The following ASIC2 variants were observed in gnomAD, a reference collection of about 807,000 sequenced individuals.
ASIC2 encodes the protein acid-sensing ion channel 2.
A neutral mutation model predicts 57.3 loss-of-function variants in ASIC2; 25 were observed. The observed-to-expected ratio is 0.44, with a 90% CI of 0.32 to 0.61. ASIC2 has a LOEUF of 0.61. Ranked by LOEUF, ASIC2 falls within the 20% of genes least tolerant of loss-of-function variation. ASIC2 has a pLI of 0.06. For missense variants in ASIC2, 641 were observed against 738.1 expected, an observed-to-expected ratio of 0.87 and a Z score of 1.52; for synonymous variants, 319 against 307.5, an observed-to-expected ratio of 1.04 and a Z score of -0.39.
At chr17:33,418,882 C>T (rs1000023787) in intron 1 of ASIC2, among the ~76,000 whole-genome samples, 2 of 143,012 alleles carry the variant, frequency 1.4e-5, no homozygotes, top group Admixed American at 7.6e-5. Context: ...TGTTCTCACT[C>T]ATAAGTGGGA....
At chr17:33,703,950 A>G (rs1170231954) in intron 1 of ASIC2, among the ~76,000 whole-genome samples, 2 of 152,054 alleles carry the variant, frequency 1.3e-5, no homozygotes, top group Admixed American at 6.6e-5. Flanking sequence ...CATCATTCAG[A>G]CCTAGGTTTT....
chr17:33,743,778 A>C (rs2347957), intron 1 of ASIC2, among the ~76,000 whole-genome samples: 105,064 of 152,104 alleles, frequency 0.69, 36,322 homozygotes, highest in East Asian at 0.73. Flanking sequence ...ACTGCTGGCC[A>C]ACCCTGCAGA....
chr17:33,648,313 A>T (rs1906809655), intron 1 of ASIC2, among the ~76,000 whole-genome samples: 1 of 152,160 alleles, frequency 6.6e-6, no homozygotes, highest in African/African-American at 2.4e-5. Flanking sequence ...CATTACGATG[A>T]TATCTAACAA....
intron 1 of ASIC2, among the ~76,000 whole-genome samples, chr17:34,128,372 T>C (rs1911850696): frequency 6.6e-6 from 1 of 150,802 alleles, no homozygotes; most frequent in African/African-American, 2.5e-5. Flanking sequence ...AAGCTGTTCT[T>C]GTAATGCATC....
chr17:33,102,052 C>A (rs961362425), intron 2 of ASIC2, among the ~76,000 whole-genome samples: 24 of 152,116 alleles, frequency 1.6e-4, no homozygotes, highest in African/African-American at 5.6e-4. Flanking sequence ...GCTCTCCAGG[C>A]CTCCTGTGCA....
intron 9 of ASIC2, 95 bp from the exon 10 acceptor site, chr17:33,014,161 T>A: frequency 1.1e-6 from 1 of 951,836 alleles, no homozygotes; most frequent in South Asian, 1.4e-5. Context: ...GGGAAGGTGC[T>A]CCCCACTTGT....
chr17:33,578,297 G>A (rs904653764), intron 1 of ASIC2, among the ~76,000 whole-genome samples: 8 of 152,070 alleles, frequency 5.3e-5, no homozygotes, highest in African/African-American at 1.4e-4. Flanking sequence ...GAAACACTGT[G>A]GTTTAGAAGT....
intron 1 of ASIC2, among the ~76,000 whole-genome samples, chr17:33,500,690 C>T (rs904814691): frequency 5.3e-5 from 8 of 152,286 alleles, no homozygotes; most frequent in Non-Finnish European, 1.0e-4. Flanking sequence ...ATGTGGGCAA[C>T]GTTCTGAAAC....
chr17:34,138,927 A>G (rs1018161429), intron 1 of ASIC2, among the ~76,000 whole-genome samples: 1 of 152,238 alleles, frequency 6.6e-6, no homozygotes, highest in Non-Finnish European at 1.5e-5. Flanking sequence ...ATAAGCATCT[A>G]TCTTGCTTAC....
intron 1 of ASIC2, among the ~76,000 whole-genome samples, chr17:33,322,792 G>A (rs908087842): frequency 3.3e-5 from 5 of 152,040 alleles, no homozygotes; most frequent in Non-Finnish European, 7.4e-5. Flanking sequence ...GGCTGGGCAC[G>A]AGTTGGAGGA....
chr17:33,242,863 G>A (rs77933169), intron 1 of ASIC2, among the ~76,000 whole-genome samples: 1 of 152,140 alleles, frequency 6.6e-6, no homozygotes, highest in Admixed American at 6.5e-5. Context: ...AGGTGGGCAG[G>A]GAGTAAGAGA....
At chr17:34,043,798 C>T (rs1288421437) in intron 1 of ASIC2, among the ~76,000 whole-genome samples, 1 of 152,108 alleles carries the variant, frequency 6.6e-6, no homozygotes, top group Non-Finnish European at 1.5e-5. Flanking sequence ...GGGCAATGGA[C>T]TGGGTGTGTT....
At chr17:33,148,728 ATTTT>A (rs1477292558) in intron 1 of ASIC2, among the ~76,000 whole-genome samples, 1 of 152,264 alleles carries the variant, frequency 6.6e-6, no homozygotes. Flanking sequence ...AGCTCACAGT[ATTTT>A]TTAATTATAA....
intron 1 of ASIC2, among the ~76,000 whole-genome samples, chr17:33,854,461 A>C (rs1353253227): frequency 6.6e-6 from 1 of 152,206 alleles, no homozygotes; most frequent in Admixed American, 6.5e-5. Context: ...TGCAGTGAAC[A>C]TATATATTTA....
At chr17:33,400,851 C>G (rs1298139440) in intron 1 of ASIC2, among the ~76,000 whole-genome samples, 3 of 152,144 alleles carry the variant, frequency 2.0e-5, no homozygotes, top group Admixed American at 6.5e-5. Flanking sequence ...CTATTACAAA[C>G]AGGCATCTCT....
chr17:33,677,921 C>G (rs1011338606), intron 1 of ASIC2, among the ~76,000 whole-genome samples: 1 of 152,168 alleles, frequency 6.6e-6, no homozygotes, highest in African/African-American at 2.4e-5. Context: ...AAGATTGACT[C>G]CAGTTTTGAA....
At chr17:33,659,109 C>G (rs1334544074) in intron 1 of ASIC2, among the ~76,000 whole-genome samples, 1 of 152,202 alleles carries the variant, frequency 6.6e-6, no homozygotes, top group Admixed American at 6.5e-5. Context: ...ACACTCAGAC[C>G]ACAGCAGCAC....
At chr17:34,060,602 CAAG>C (rs2142060393) in intron 1 of ASIC2, among the ~76,000 whole-genome samples, 1 of 152,056 alleles carries the variant, frequency 6.6e-6, no homozygotes, top group East Asian at 1.9e-4. Flanking sequence ...AAAAATGATA[CAAG>C]AAGTGAAGGG....
At chr17:33,411,732 C>T (rs1053145251) in intron 1 of ASIC2, among the ~76,000 whole-genome samples, 1 of 152,172 alleles carries the variant, frequency 6.6e-6, no homozygotes, top group Non-Finnish European at 1.5e-5. Context: ...CCAGCTTTAC[C>T]ATTGACTGAC....
Sources: allele counts gnomAD v4.1 joint callset (sites outside exome capture counted in the v4.1 genomes callset), GRCh38; gene constraint gnomAD v4.1.1; transcripts MANE v1.5; gene names NCBI Gene and HGNC (gene_info 2026-07-23, HGNC 2026-07-21).